TSPAN14: variants seen among roughly 807,000 people sequenced by gnomAD.
TSPAN14 encodes the protein tetraspanin 14.
A neutral mutation model predicts 36.6 loss-of-function variants in TSPAN14; 16 were observed. The ratio of observed to expected loss-of-function variants is 0.44; its 90% CI spans 0.30 to 0.66. The LOEUF is 0.66. TSPAN14 is among the 30% of genes least tolerant of loss of function. The probability of loss-of-function intolerance (pLI) is 0.12; values close to 1 mark genes in which losing one functional copy is unlikely to be tolerated. For missense variants in TSPAN14, 231 were observed against 355.1 expected, an observed-to-expected ratio of 0.65 and a Z score of 2.81; for synonymous variants, 139 against 143.8, an observed-to-expected ratio of 0.97 and a Z score of 0.24.
chr10:80,492,739 C>T (rs1048977066), intron 2 of TSPAN14, among the ~76,000 whole-genome samples: 1 of 152,088 alleles, frequency 6.6e-6, no homozygotes, highest in Non-Finnish European at 1.5e-5. Flanking sequence ...TGGCGTGAAC[C>T]CGGGAGGCGG....
At chr10:80,476,477 G>A (rs935925915) in intron 1 of TSPAN14, among the ~76,000 whole-genome samples, 1 of 140,208 alleles carries the variant, frequency 7.1e-6, no homozygotes, top group African/African-American at 2.7e-5. Flanking sequence ...ATGCAGTGGC[G>A]AGATCTCTGC....
intron 1 of TSPAN14, among the ~76,000 whole-genome samples, 153 bp downstream of exon 1, chr10:80,454,524 C>T (rs1250752763): frequency 6.6e-6 from 1 of 151,794 alleles, no homozygotes; most frequent in Non-Finnish European, 1.5e-5. Context: ...CAGGAGCGGC[C>T]CCGCGGGCGG....
At chr10:80,499,249 A>G (rs923723941) in intron 2 of TSPAN14, among the ~76,000 whole-genome samples, 2 of 152,138 alleles carry the variant, frequency 1.3e-5, no homozygotes, top group African/African-American at 4.8e-5. Flanking sequence ...AAGTACCACA[A>G]GCTTGCTCGT....
intron 1 of TSPAN14, among the ~76,000 whole-genome samples, chr10:80,461,992 AG>A (rs1845996748): frequency 6.6e-6 from 1 of 151,106 alleles, no homozygotes; most frequent in South Asian, 2.1e-4. Flanking sequence ...CAGCTCACTG[AG>A]GCCTCCACCT....
At chr10:80,518,137 C>A in exon 9 of TSPAN14, 2 of 752,960 alleles carry the variant, frequency 2.7e-6, no homozygotes, top group South Asian at 1.8e-5. Flanking sequence ...CTTGCTGGTG[C>A]TGAAGACCAA....
At chr10:80,474,726 C>T (rs895242700) in intron 1 of TSPAN14, among the ~76,000 whole-genome samples, 3 of 152,078 alleles carry the variant, frequency 2.0e-5, no homozygotes, top group African/African-American at 4.8e-5. Context: ...CTGGGGAGCT[C>T]GCAGTGCCTT....
chr10:80,519,350 A>G (rs1033285826), exon 9 of TSPAN14: 13 of 152,776 alleles, frequency 8.5e-5, no homozygotes, highest in Admixed American at 7.2e-4. Context: ...TAAGTACTGA[A>G]TAACTCCCCT....
chr10:80,466,574 ATGT>A (rs1422749366), intron 1 of TSPAN14: 3 of 152,198 alleles, frequency 2.0e-5, no homozygotes, highest in Admixed American at 1.3e-4. Context: ...ATTTTAACAA[ATGT>A]TGTAGCACCT....
exon 9 of TSPAN14, chr10:80,520,806 G>C (rs1217648484): frequency 1.9e-6 from 1 of 533,262 alleles, no homozygotes; most frequent in Non-Finnish European, 3.8e-6. Context: ...TGTCAACTCT[G>C]GCCTTCTTCA....
intron 1 of TSPAN14, among the ~76,000 whole-genome samples, chr10:80,483,274 A>C (rs1005061043): frequency 6.6e-6 from 1 of 152,168 alleles, no homozygotes. Context: ...CAAAGGTGGT[A>C]ATGGTAAGTG....
exon 9 of TSPAN14, chr10:80,518,307 A>G (rs1841058248): frequency 2.6e-6 from 1 of 387,816 alleles, no homozygotes; most frequent in Non-Finnish European, 4.8e-6. Context: ...CAGCTCAAGC[A>G]TGTCTGCAGG....
At chr10:80,459,958 GC>G (rs2131950461) in intron 1 of TSPAN14, among the ~76,000 whole-genome samples, 1 of 152,298 alleles carries the variant, frequency 6.6e-6, no homozygotes, top group East Asian at 1.9e-4. Context: ...GTCAGCCACA[GC>G]CCCAGACCAA....
chr10:80,518,003 A>T (rs1184502751), exon 9 of TSPAN14: 1 of 1,552,652 alleles, frequency 6.4e-7, no homozygotes, highest in Non-Finnish European at 8.7e-7. Flanking sequence ...AGCCGAGCTG[A>T]GCCACGCTGG....
chr10:80,493,790 C>A (rs1015686936), intron 2 of TSPAN14, among the ~76,000 whole-genome samples: 2 of 152,168 alleles, frequency 1.3e-5, no homozygotes, highest in African/African-American at 2.4e-5. Context: ...CAGAAGATCT[C>A]ACTTTGATGT....
intron 1 of TSPAN14, among the ~76,000 whole-genome samples, chr10:80,462,225 G>A (rs1296368157): frequency 6.6e-6 from 1 of 152,096 alleles, no homozygotes. Context: ...TATTCTGTAA[G>A]GGGAACCAAA....
chr10:80,516,027 CG>C lies in TSPAN14; in HGVS notation c.622-176del, dbSNP rs1368591428. The C allele has an allele frequency of 1.9e-5, 17 of 877,946 alleles. No individual in the cohort carries two copies. The Admixed American group carries it at 3.9e-4, about 20-fold the overall frequency. 54.4% of individuals were successfully genotyped at this position (877,946 alleles called of 1,614,324 possible). ...GGTGGTGCGATGGCACAGTGCCCAGCGAGGGGCAGAGGCTGAGAGGAGCTGA... is the reference window on the plus strand; with the variant it reads ...GGTGGTGCGATGGCACAGTGCCCAGCAGGGGCAGAGGCTGAGAGGAGCTGA... On this transcript the variant is annotated intron_variant, in intron 7 of 8. Transcript: ENST00000429989.
intron 1 of TSPAN14, among the ~76,000 whole-genome samples, chr10:80,486,514 G>T (rs1357672609): frequency 6.6e-6 from 1 of 152,214 alleles, no homozygotes; most frequent in East Asian, 1.9e-4. Context: ...GGGAAGTTTG[G>T]CTTTTCTTAC....
At chr10:80,510,240 G>A (rs1326728936) in intron 5 of TSPAN14, among the ~76,000 whole-genome samples, 1 of 152,228 alleles carries the variant, frequency 6.6e-6, no homozygotes, top group Non-Finnish European at 1.5e-5. Context: ...CTTTGGTTTT[G>A]AGAAGAAAAT....
chr10:80,457,356 T>C (rs889907966), intron 1 of TSPAN14, among the ~76,000 whole-genome samples: 1 of 151,810 alleles, frequency 6.6e-6, no homozygotes, highest in Non-Finnish European at 1.5e-5. Flanking sequence ...ACCCAGCTAA[T>C]TTTTGTATTT....
Sources: allele counts gnomAD v4.1 joint callset (sites outside exome capture counted in the v4.1 genomes callset), GRCh38; gene constraint gnomAD v4.1.1; transcripts MANE v1.5; gene names NCBI Gene and HGNC (gene_info 2026-07-23, HGNC 2026-07-21).